The following LAMA4 variants were observed in gnomAD, a reference collection of about 807,000 sequenced individuals.
The protein encoded by LAMA4 is laminin subunit alpha-4.
A neutral mutation model predicts 207.1 loss-of-function variants in LAMA4; 127 were observed. The observed-to-expected ratio is 0.61, with a 90% CI of 0.53 to 0.71. The LOEUF is 0.71. Ranked by LOEUF, LAMA4 falls within the 30% of genes least tolerant of loss-of-function variation. The pLI is 0.00. For synonymous variants in LAMA4, 761 were observed against 816.0 expected (o/e 0.93, Z 1.15); for missense variants, 2,093 against 2,246.5 (o/e 0.93, Z 1.38).
At chr6:112,156,452 C>A (rs1201933113) in intron 14 of LAMA4, among the ~76,000 whole-genome samples, 1 of 152,152 alleles carries the variant, frequency 6.6e-6, no homozygotes, top group East Asian at 1.9e-4. Context: ...ATACCTACAC[C>A]ATTTCCTGAA....
chr6:112,250,980 T>A (rs1469227071), intron 2 of LAMA4, among the ~76,000 whole-genome samples: 1 of 152,166 alleles, frequency 6.6e-6, no homozygotes, highest in Admixed American at 6.5e-5. Flanking sequence ...ATGTGAAATA[T>A]TAGAATACTG....
intron 12 of LAMA4, 46 bp downstream of exon 12, chr6:112,172,565 C>T (rs369021490): frequency 1.9e-6 from 3 of 1,578,546 alleles, no homozygotes; most frequent in Non-Finnish European, 2.6e-6. Flanking sequence ...GGTGTACCAT[C>T]ACACTGCTGA....
intron 9 of LAMA4, among the ~76,000 whole-genome samples, chr6:112,184,799 G>A (rs979796871): frequency 6.6e-6 from 1 of 152,054 alleles, no homozygotes; most frequent in Non-Finnish European, 1.5e-5. Flanking sequence ...GCCAAAGAGC[G>A]AAATTGCTTT....
chr6:112,196,076 A>C (rs1198057703), intron 5 of LAMA4, among the ~76,000 whole-genome samples: 1 of 151,970 alleles, frequency 6.6e-6, no homozygotes, highest in Non-Finnish European at 1.5e-5. Context: ...TATTTATGGG[A>C]TACAGAGTGA....
At chr6:112,223,325 T>C (rs1181453169) in intron 2 of LAMA4, among the ~76,000 whole-genome samples, 2 of 152,196 alleles carry the variant, frequency 1.3e-5, no homozygotes, top group South Asian at 2.1e-4. Flanking sequence ...TTCAGAATTA[T>C]AGGCATTTAG....
chr6:112,167,876 A>T (rs1781473545), intron 12 of LAMA4, among the ~76,000 whole-genome samples: 1 of 151,476 alleles, frequency 6.6e-6, no homozygotes, highest in Admixed American at 6.6e-5. Flanking sequence ...ACACACACAC[A>T]CACACACACA....
rs189341243 is a variant in LAMA4, at chr6:112,246,784, T to C, written c.195+7172A>G. Among the ~76,000 whole-genome samples the C allele has an allele frequency of 1.6e-3, 239 of 152,334 alleles. 2 individuals carry two copies. The highest frequency in any genetic ancestry group is 5.7e-3 in the African/African-American group (235 of 41,584). ...ATCCACCCATCTTGGCCTCCCAAAG[T>C]GTTGGGATTACAGGCGTGAGCCACC... On this transcript the variant is annotated intron_variant, in intron 2 of 38. Transcript: ENST00000230538.
Position 112,139,240 on chromosome 6 carries a change from G to A in LAMA4, c.3162C>T (p.Gly1054=). The stretch of plus-strand genomic sequence containing the variant: ...TGTCTCTCACCACGGCATAACCGGA[G>A]CCATCGAAGAAGTAACTGGCAGCCC... ...QSRAASYFFD[G]SGYAVVRDIT... The change falls in exon 24 of 39, where the codon GGC becomes GGT. Residue 1054 remains glycine (G), a synonymous_variant. Coordinates refer to ENST00000230538, the MANE Select transcript of LAMA4 (RefSeq NM_001105206.3). The A allele has an allele frequency of 1.2e-6, 2 of 1,614,138 alleles. No homozygotes were observed. The highest frequency in any genetic ancestry group is 1.7e-6 in the Non-Finnish European group (2 of 1,179,992).
intron 3 of LAMA4, among the ~76,000 whole-genome samples, chr6:112,209,178 T>C (rs1784230474): frequency 6.6e-6 from 1 of 152,158 alleles, no homozygotes; most frequent in Admixed American, 6.5e-5. Flanking sequence ...GCAGGGCTGC[T>C]TGTAGGCTGG....
intron 14 of LAMA4, 161 bp from the exon 15 acceptor site, chr6:112,155,867 T>A (rs1554336861): frequency 2.7e-6 from 2 of 742,676 alleles, no homozygotes; most frequent in Non-Finnish European, 2.3e-6. Flanking sequence ...TCACACCTCC[T>A]CTGCATTCTT....
chr6:112,237,675 A>G (rs1424444838), intron 2 of LAMA4, among the ~76,000 whole-genome samples: 2 of 152,152 alleles, frequency 1.3e-5, no homozygotes, highest in African/African-American at 4.8e-5. Context: ...GATTTAATAC[A>G]TTTCTACACA....
At chr6:112,179,872 C>A (rs2114904428) in intron 9 of LAMA4, 1 of 529,968 alleles carries the variant, frequency 1.9e-6, no homozygotes, top group South Asian at 1.4e-5. Context: ...AAACTGTGGG[C>A]TCTCTGAATG....
chr6:112,203,402 G>C (rs782440720), intron 4 of LAMA4, among the ~76,000 whole-genome samples: 4 of 152,164 alleles, frequency 2.6e-5, no homozygotes, highest in Non-Finnish European at 4.4e-5. Context: ...GTAATTCAGA[G>C]TCTAAACTAG....
intron 2 of LAMA4, among the ~76,000 whole-genome samples, chr6:112,226,267 A>G (rs1785205372): frequency 6.6e-6 from 1 of 152,164 alleles, no homozygotes; most frequent in Admixed American, 6.5e-5. Flanking sequence ...CATTACCTAC[A>G]TGAATATGTA....
intron 3 of LAMA4, among the ~76,000 whole-genome samples, chr6:112,210,439 A>G (rs1784301344): frequency 6.6e-6 from 1 of 152,174 alleles, no homozygotes; most frequent in South Asian, 2.1e-4. Context: ...TAGATAATCG[A>G]TTGCAGATAA....
Position 112,109,023 on chromosome 6 carries a change from GA to G in LAMA4, c.*413del, listed in dbSNP as rs1438822048. 4 of 215,178 alleles carry G rather than the reference GA, an allele frequency of 1.9e-5. No individual in the cohort carries two copies. The highest frequency in any genetic ancestry group is 2.8e-5 in the Non-Finnish European group (3 of 105,838). 13.3% of individuals were successfully genotyped at this position (215,178 alleles called of 1,614,324 possible). On this transcript the variant is annotated 3_prime_UTR_variant, in exon 39 of 39. Transcript: ENST00000230538. ...AGTTAGTAAGTCTCTTCAAAATAAA[GA>G]AAGGTAGTTTTAGGACAGAGATTTT...
At chr6:112,156,131 TA>T (rs1780698902) in intron 14 of LAMA4, among the ~76,000 whole-genome samples, 1 of 152,118 alleles carries the variant, frequency 6.6e-6, no homozygotes, top group Non-Finnish European at 1.5e-5. Context: ...CCAGGGCACG[TA>T]TTGTCAAGGT....
chr6:112,167,748 G>A (rs111795306), intron 12 of LAMA4, among the ~76,000 whole-genome samples: 126 of 151,938 alleles, frequency 8.3e-4, no homozygotes, highest in African/African-American at 2.7e-3. Context: ...GCAAGTTATT[G>A]TGTTTGGTGC....
At chr6:112,181,939 A>T (rs2114914553) in intron 9 of LAMA4, among the ~76,000 whole-genome samples, 1 of 152,204 alleles carries the variant, frequency 6.6e-6, no homozygotes, top group Middle Eastern at 3.4e-3. Context: ...TCTACTAAAA[A>T]TACAAAAAGT....
Sources: gnomAD v4.1 joint callset for allele counts (sites outside exome capture counted in the v4.1 genomes callset) on GRCh38, gnomAD v4.1.1 for gene constraint, MANE v1.5 for transcripts, NCBI Gene and HGNC (gene_info 2026-07-23, HGNC 2026-07-21) for gene names.